Variants in CTNNA2 observed in about 807,000 individuals in gnomAD.
The protein encoded by CTNNA2 is catenin alpha-2.
A neutral mutation model predicts 101.0 loss-of-function variants in CTNNA2; 42 were observed. The observed-to-expected ratio is 0.42, with a 90% CI of 0.32 to 0.54. The LOEUF (loss-of-function observed/expected upper bound fraction) is 0.54. Among genes scored for constraint, CTNNA2 ranks in the 20% least tolerant of loss-of-function variants. The pLI is 0.14. For missense variants in CTNNA2, 871 were observed against 1,223.1 expected, an observed-to-expected ratio of 0.71 and a Z score of 4.29; for synonymous variants, 450 against 456.4, an observed-to-expected ratio of 0.99 and a Z score of 0.18.
At chr2:80,092,898 T>G (rs1425022844) in intron 7 of CTNNA2, among the ~76,000 whole-genome samples, 10 of 152,160 alleles carry the variant, frequency 6.6e-5, no homozygotes, top group Non-Finnish European at 1.5e-4. Flanking sequence ...AATCTTCATT[T>G]AATTATACAT....
chr2:79,218,737 G>C (rs1039224595), intron 2 of CTNNA2, among the ~76,000 whole-genome samples: 2 of 152,136 alleles, frequency 1.3e-5, no homozygotes, highest in Admixed American at 6.5e-5. Context: ...AACTGCGTTG[G>C]TGATAATAAT....
chr2:80,210,167 T>C (rs1437942633), intron 7 of CTNNA2, among the ~76,000 whole-genome samples: 1 of 152,218 alleles, frequency 6.6e-6, no homozygotes, highest in African/African-American at 2.4e-5. Flanking sequence ...CCATTTCCAA[T>C]GTCAAATTAA....
rs144840188 is a variant in CTNNA2, at chr2:79,257,884, A to G, written c.-405-54825A>G. On this transcript the variant is annotated intron_variant, in intron 2 of 21. Transcript: ENST00000466387. ...CCAAAATCAAGATGTCAGCAGGACAATGCTCCCACTGAAACATGAAGGCAA... is the reference window on the plus strand; with the variant it reads ...CCAAAATCAAGATGTCAGCAGGACAGTGCTCCCACTGAAACATGAAGGCAA... Among the ~76,000 whole-genome samples, 27 of 152,136 alleles carry G rather than the reference A, an allele frequency of 1.8e-4. No individual in the cohort carries two copies. In the East Asian group the frequency reaches 5.2e-3, roughly 30 times the overall value.
Position 80,514,768 on chromosome 2 carries a change from C to A in CTNNA2, c.1291-30214C>A, listed in dbSNP as rs116362568. Among the ~76,000 whole-genome samples, 714 of 152,234 alleles carry A rather than the reference C, an allele frequency of 4.7e-3. 4 individuals are homozygous for A. Among genetic ancestry groups the A allele is most frequent in the African/African-American group, 0.016 (667 of 41,546 alleles). On this transcript the variant is annotated intron_variant, in intron 9 of 18. Coordinates refer to ENST00000402739, the MANE Select transcript of CTNNA2 (RefSeq NM_001282597.3). Reference sequence around the variant, plus strand: ...CAGTCAAGCCGCTTCTGTCTCCCTGCTGACTGAGTCTGGGATCTTTATAGG... The same window carrying A: ...CAGTCAAGCCGCTTCTGTCTCCCTGATGACTGAGTCTGGGATCTTTATAGG...
chr2:80,552,640 T>A (rs1012148371), intron 11 of CTNNA2, among the ~76,000 whole-genome samples: 1 of 152,136 alleles, frequency 6.6e-6, no homozygotes, highest in Non-Finnish European at 1.5e-5. Flanking sequence ...CATACTGTAT[T>A]TACACACCTA....
In CTNNA2 at chr2:79,990,544, C is replaced by T. The variant is rs185262827; in HGVS notation, c.1056+80747C>T. Among the ~76,000 whole-genome samples the T allele has an allele frequency of 1.4e-4, 21 of 152,256 alleles. 1 individual carries two copies. In the East Asian group the frequency reaches 3.7e-3, roughly 27 times the overall value. On this transcript the variant is annotated intron_variant, in intron 7 of 18. Transcript: ENST00000402739. ...TGTGATGTTTGGCAAATAAACCTGT[C>T]TATGCTTCAGTTTCTTCTTTGTAAA...
At chr2:80,207,093 A>T (rs1181193311) in intron 7 of CTNNA2, among the ~76,000 whole-genome samples, 3 of 152,218 alleles carry the variant, frequency 2.0e-5, no homozygotes, top group Non-Finnish European at 4.4e-5. Context: ...CTGATAAATG[A>T]AGGGTTTTTT....
At chr2:79,657,926 A>C (rs1327105733) in intron 2 of CTNNA2, among the ~76,000 whole-genome samples, 1 of 151,866 alleles carries the variant, frequency 6.6e-6, no homozygotes, top group Non-Finnish European at 1.5e-5. Context: ...GTACCACGTA[A>C]ATTTTGGAAA....
intron 2 of CTNNA2, among the ~76,000 whole-genome samples, chr2:79,685,416 A>G (rs560157113): frequency 6.6e-6 from 1 of 152,150 alleles, no homozygotes; most frequent in South Asian, 2.1e-4. Context: ...ATCTTAACTG[A>G]CTCAAATGAG....
chr2:80,339,311 A>G (rs183435111), intron 7 of CTNNA2, among the ~76,000 whole-genome samples: 5 of 152,278 alleles, frequency 3.3e-5, no homozygotes, highest in African/African-American at 1.2e-4. Flanking sequence ...TTTGAGTTGC[A>G]TCTAGGTGGT....
In CTNNA2 at chr2:80,367,821, T is replaced by A. The variant is rs150229080; in HGVS notation, c.1057-25390T>A. 1.8e-4 allele frequency among the ~76,000 whole-genome samples: 27 copies of A among 152,204 alleles called. No homozygotes were observed. In the East Asian group the frequency reaches 4.6e-3, roughly 26 times the overall value. ...TTCCTTTGGTTGTTTTTTATTTTGT[T>A]GGTTTGTTTTTATCATTCAGCTGAG... On this transcript the variant is annotated intron_variant, in intron 7 of 18. Coordinates refer to ENST00000402739, the MANE Select transcript of CTNNA2 (RefSeq NM_001282597.3).
chr2:79,421,754 T>G (rs1558663162), intron 4 of CTNNA2, among the ~76,000 whole-genome samples: 1 of 152,182 alleles, frequency 6.6e-6, no homozygotes, highest in Non-Finnish European at 1.5e-5. Context: ...AGGAATGTGA[T>G]GCAATCAGAA....
At chr2:80,562,239 T>G (rs2149676396) in intron 12 of CTNNA2, among the ~76,000 whole-genome samples, 1 of 152,314 alleles carries the variant, frequency 6.6e-6, no homozygotes, top group South Asian at 2.1e-4. Context: ...TTGTGAATGA[T>G]GTGTTCTCCC....
At chr2:79,712,233 C>A (rs1445269633) in intron 2 of CTNNA2, among the ~76,000 whole-genome samples, 1 of 152,180 alleles carries the variant, frequency 6.6e-6, no homozygotes, top group Non-Finnish European at 1.5e-5. Flanking sequence ...AAATATCACA[C>A]TGTTTGGAGA....
At chr2:79,489,872 A>G (rs1246279557) in intron 4 of CTNNA2, among the ~76,000 whole-genome samples, 2 of 152,172 alleles carry the variant, frequency 1.3e-5, no homozygotes, top group Non-Finnish European at 2.9e-5. Context: ...AGAGTGGACA[A>G]GGGCAAAAGG....
chr2:79,278,520 C>CA lies in CTNNA2; in HGVS notation c.-405-34189_-405-34188insA, dbSNP rs1183039742. ...ATCCAAAATGACATCCCCAAGCCCA[C>CA]GAAAAAAAAATGTAATTGTGGGCAA... On this transcript the variant is annotated intron_variant, in intron 2 of 21. Transcript: ENST00000466387. Among the ~76,000 whole-genome samples, 720 of 89,928 alleles carry CA rather than the reference C, an allele frequency of 8.0e-3. 5 individuals are homozygous for CA. The highest frequency in any genetic ancestry group is 0.028 in the African/African-American group (668 of 23,808). 59.0% of individuals were successfully genotyped at this position (89,928 alleles called of 152,430 possible).
chr2:79,372,026 C>T (rs974241317), intron 3 of CTNNA2, among the ~76,000 whole-genome samples: 11 of 152,132 alleles, frequency 7.2e-5, no homozygotes, highest in African/African-American at 2.7e-4. Flanking sequence ...CCATTCTCCA[C>T]CTTTTGAATC....
intron 3 of CTNNA2, among the ~76,000 whole-genome samples, chr2:79,349,492 G>A (rs143812881): frequency 1.4e-3 from 215 of 152,254 alleles, no homozygotes; most frequent in African/African-American, 5.0e-3. Flanking sequence ...TGTACTGGAG[G>A]TTAGAAACAC....
At chr2:79,319,117 A>T (rs776478548) in intron 3 of CTNNA2, among the ~76,000 whole-genome samples, 1 of 152,176 alleles carries the variant, frequency 6.6e-6, no homozygotes, top group Non-Finnish European at 1.5e-5. Flanking sequence ...AGATTAACAA[A>T]CATACTACTC....
Sources: gnomAD v4.1 joint callset for allele counts (sites outside exome capture counted in the v4.1 genomes callset) on GRCh38, gnomAD v4.1.1 for gene constraint, MANE v1.5 for transcripts, NCBI Gene and HGNC (gene_info 2026-07-23, HGNC 2026-07-21) for gene names.